TRAF3: variants seen among roughly 807,000 people sequenced by gnomAD.
TRAF3 encodes the protein TNF receptor associated factor 3, also known as TNF receptor-associated factor 3.
In TRAF3, 13 loss-of-function variants were observed where a neutral mutation model predicts 62.3. That is an observed-to-expected ratio of 0.21 (90% CI 0.14 to 0.33). The LOEUF (loss-of-function observed/expected upper bound fraction) is 0.33, where lower values mean the gene tolerates loss of function less well. TRAF3 is among the 10% of genes least tolerant of loss of function. TRAF3 has a pLI of 1.00. For synonymous variants in TRAF3, 269 were observed against 283.4 expected (o/e 0.95, Z 0.51); for missense variants, 440 against 741.8 (o/e 0.59, Z 4.73).
intron 2 of TRAF3, among the ~76,000 whole-genome samples, chr14:102,862,823 T>C (rs1002621518): frequency 8.5e-5 from 13 of 152,202 alleles, no homozygotes; most frequent in Non-Finnish European, 1.5e-4. Context: ...CCTTACACTT[T>C]ATAATCTCAA....
chr14:102,905,127 A>C lies in TRAF3; in HGVS notation c.1136-86A>C, dbSNP rs933255452. The C allele has an allele frequency of 2.9e-6, 4 of 1,360,394 alleles. No individual in the cohort carries two copies. In the African/African-American group the frequency reaches 5.7e-5, roughly 19 times the overall value. The allele number at this position is 1,360,394 out of a possible 1,614,324, so 84.3% of individuals were successfully genotyped here. A position where few individuals can be genotyped will look rare whatever the true frequency, so the allele number is the denominator to read the frequency against. Reference sequence around the variant, plus strand: ...ACTCCGTCTCAAAAAAATGAAATAAAATAACGAGTGCTGGTGCAGCTTTGC... The same window carrying C: ...ACTCCGTCTCAAAAAAATGAAATAACATAACGAGTGCTGGTGCAGCTTTGC... On this transcript the variant is annotated intron_variant, in intron 11 of 11. Transcript: ENST00000392745.
At chr14:102,808,132 CAG>C (rs1171793206) in intron 1 of TRAF3, among the ~76,000 whole-genome samples, 1 of 152,066 alleles carries the variant, frequency 6.6e-6, no homozygotes, top group Admixed American at 6.6e-5. Context: ...GGGGAGGGCA[CAG>C]AGAGTCACTT....
intron 2 of TRAF3, among the ~76,000 whole-genome samples, chr14:102,841,772 A>G (rs1192883118): frequency 6.6e-6 from 1 of 152,244 alleles, no homozygotes; most frequent in Non-Finnish European, 1.5e-5. Flanking sequence ...AAGAAAATCA[A>G]GAGAAACAGA....
In TRAF3 at chr14:102,788,343, G is replaced by A. The variant is rs942859702; in HGVS notation, c.-157+10668G>A. On this transcript the variant is annotated intron_variant, in intron 1 of 11. Transcript: ENST00000392745. Reference sequence around the variant, plus strand: ...CAGCCGTATTTAGTGTATTCACAATGTTCTGCAACCACCAGCTCTCTCTAG... The same window carrying A: ...CAGCCGTATTTAGTGTATTCACAATATTCTGCAACCACCAGCTCTCTCTAG... 2.0e-5 allele frequency among the ~76,000 whole-genome samples: 3 copies of A among 152,134 alleles called. No individual in the cohort carries two copies. The South Asian group carries it at 6.2e-4, about 32-fold the overall frequency.
rs775030784 is a variant in TRAF3, at chr14:102,900,203, A to AAAAG, written c.960+2802_960+2803insAAAG. On this transcript the variant is annotated intron_variant, in intron 10 of 11. Transcript: ENST00000392745. Reference sequence around the variant, plus strand: ...CGGAAAAAAAAAAAAAAAAAAAAAAAGACAGCCTAGGCCGGTAGGCCGGAC... The same window carrying AAAAG: ...CGGAAAAAAAAAAAAAAAAAAAAAAAAAAGGACAGCCTAGGCCGGTAGGCCGGAC... Among the ~76,000 whole-genome samples, 1,096 of 143,628 alleles carry AAAAG rather than the reference A, an allele frequency of 7.6e-3. 16 individuals are homozygous for AAAAG. The highest frequency in any genetic ancestry group is 0.01 in the Non-Finnish European group (670 of 65,482). The allele number at this position is 143,628 out of a possible 152,430, so 94.2% of individuals were successfully genotyped here.
chr14:102,903,417 G>A lies in TRAF3; in HGVS notation c.1123G>A (p.Ala375Thr), dbSNP rs2140002083. Residue 375 changes from alanine (A) to threonine (T), a missense_variant, in exon 11 of 12, where the codon GCT becomes ACT. By Grantham distance (58) the Ala-to-Thr change is moderately conservative (BLOSUM62 0). Transcript: ENST00000392745. This position sits in a 1 kb window ranked among gnomAD's most constrained non-coding sequence, Gnocchi z 6.4. ...ESVDKSAGQV[A>T]RNTGLLESQL... Reference sequence around the variant, plus strand: ...CGTGGACAAGAGCGCGGGGCAAGTGGCTCGGAACACAGGTGAGGCAGGGGC... The same window carrying A: ...CGTGGACAAGAGCGCGGGGCAAGTGACTCGGAACACAGGTGAGGCAGGGGC... 5.6e-6 allele frequency: 9 copies of A among 1,613,978 alleles called. No homozygotes were observed. The highest frequency in any genetic ancestry group is 7.6e-6 in the Non-Finnish European group (9 of 1,179,978).
chr14:102,790,443 CAG>C (rs1436311008), intron 1 of TRAF3, among the ~76,000 whole-genome samples: 2 of 152,086 alleles, frequency 1.3e-5, no homozygotes, highest in African/African-American at 4.8e-5. Context: ...ATACCTGAGA[CAG>C]GGTAATTTAT....
Position 102,792,113 on chromosome 14 carries a change from C to CTTTTTTTTTTTTTTT in TRAF3, c.-157+14451_-157+14465dup, listed in dbSNP as rs35895214. ...ACAGGTGCGAGCCACTGTGCCTGGA[C>CTTTTTTTTTTTTTTT]TTTTTTTTTTTTTTTTTTTTTTTTT... On this transcript the variant is annotated intron_variant, in intron 1 of 11. Coordinates refer to ENST00000392745, the MANE Select transcript of TRAF3 (RefSeq NM_145725.3). 1.5e-4 allele frequency among the ~76,000 whole-genome samples: 15 copies of CTTTTTTTTTTTTTTT among 97,702 alleles called. 7 individuals carry two copies. The highest frequency in any genetic ancestry group is 6.5e-4 in the South Asian group (2 of 3,056). The allele number at this position is 97,702 out of a possible 152,430, so 64.1% of individuals were successfully genotyped here.
intron 1 of TRAF3, among the ~76,000 whole-genome samples, chr14:102,805,812 A>G (rs1898738326): frequency 6.6e-6 from 1 of 152,210 alleles, no homozygotes; most frequent in African/African-American, 2.4e-5. Flanking sequence ...TTTTGATGTC[A>G]TGGTTCAAAA....
chr14:102,800,916 C>T (rs1595297969), intron 1 of TRAF3, among the ~76,000 whole-genome samples: 1 of 152,124 alleles, frequency 6.6e-6, no homozygotes, highest in Non-Finnish European at 1.5e-5. Flanking sequence ...CGGTGGCTCA[C>T]ACCTGTAATC....
chr14:102,779,992 G>A (rs192386119), intron 1 of TRAF3, among the ~76,000 whole-genome samples: 232 of 152,340 alleles, frequency 1.5e-3, no homozygotes, highest in Non-Finnish European at 2.7e-3. Flanking sequence ...TGCTTTGCGA[G>A]TGTTCATGGA....
At chr14:102,845,415 C>T (rs1218086121) in intron 2 of TRAF3, among the ~76,000 whole-genome samples, 2 of 151,654 alleles carry the variant, frequency 1.3e-5, no homozygotes, top group Non-Finnish European at 2.9e-5. Context: ...GTTGGTCAGG[C>T]TGGTCTCGAA....
At chr14:102,843,010 C>G (rs761129483) in intron 2 of TRAF3, among the ~76,000 whole-genome samples, 15 of 151,998 alleles carry the variant, frequency 9.9e-5, no homozygotes, top group Non-Finnish European at 1.9e-4. Context: ...GAGTTTGAGA[C>G]TAGCCTGGCC....
intron 7 of TRAF3, among the ~76,000 whole-genome samples, chr14:102,888,280 G>A (rs1268068731): frequency 6.6e-6 from 1 of 152,186 alleles, no homozygotes; most frequent in East Asian, 1.9e-4. Context: ...CTTCCTGCAG[G>A]GGCAGCCGGT....
At chr14:102,818,846 T>TG (rs1381027538) in intron 1 of TRAF3, among the ~76,000 whole-genome samples, 7 of 152,128 alleles carry the variant, frequency 4.6e-5, no homozygotes, top group Admixed American at 6.5e-5. Context: ...AAAAGGAACT[T>TG]GGTGAGGTGA....
rs557875817 is a variant in TRAF3, at chr14:102,874,127, TGGAG to T, written c.298-1495_298-1492del. ...TGAAAATTAAAAAGTTACCTGGGCT[TGGAG>T]GCATGCGCCTGTAGTTCAAGCCACT... On this transcript the variant is annotated intron_variant, in intron 4 of 11. Coordinates refer to ENST00000392745, the MANE Select transcript of TRAF3 (RefSeq NM_145725.3). 3.9e-3 allele frequency among the ~76,000 whole-genome samples: 601 copies of T among 152,242 alleles called. 6 individuals are homozygous for T. Among genetic ancestry groups the T allele is most frequent in the African/African-American group, 0.013 (559 of 41,562 alleles).
chr14:102,825,988 G>C (rs773126421), intron 1 of TRAF3, among the ~76,000 whole-genome samples: 101 of 152,308 alleles, frequency 6.6e-4, no homozygotes, highest in Non-Finnish European at 1.1e-3. Context: ...TGTCTGCTGT[G>C]GCCAAATGTG....
chr14:102,798,770 G>A (rs1898234173), intron 1 of TRAF3, among the ~76,000 whole-genome samples: 1 of 152,120 alleles, frequency 6.6e-6, no homozygotes, highest in South Asian at 2.1e-4. Context: ...CACTGTACCC[G>A]GCCTCAGCAG....
Position 102,826,122 on chromosome 14 carries a change from T to C in TRAF3, c.-156-4212T>C, listed in dbSNP as rs1465463656. On this transcript the variant is annotated intron_variant, in intron 1 of 11. Coordinates refer to ENST00000392745, the MANE Select transcript of TRAF3 (RefSeq NM_145725.3). This position sits in a 1 kb window ranked among gnomAD's most constrained non-coding sequence, Gnocchi z 4.6. ...CGTGAGGTAACAACGTCTTTTCCAGTTGGTGTCAGTGAACTCTGTTTTGGG... is the reference window on the plus strand; with the variant it reads ...CGTGAGGTAACAACGTCTTTTCCAGCTGGTGTCAGTGAACTCTGTTTTGGG... 6.6e-6 allele frequency among the ~76,000 whole-genome samples: 1 copy of C among 152,104 alleles called. No individual in the cohort carries two copies. The highest frequency in any genetic ancestry group is 1.5e-5 in the Non-Finnish European group (1 of 68,008).
Sources: allele counts gnomAD v4.1 joint callset (sites outside exome capture counted in the v4.1 genomes callset), GRCh38; gene constraint gnomAD v4.1.1; non-coding constraint Gnocchi (gnomAD v3.1); transcripts MANE v1.5; gene names NCBI Gene and HGNC (gene_info 2026-07-23, HGNC 2026-07-21).